The following RELN variants were observed in gnomAD, a reference collection of about 807,000 sequenced individuals.
RELN encodes the protein reelin.
In RELN, 108 loss-of-function variants were observed where a neutral mutation model predicts 427.6. The observed-to-expected ratio is 0.25, with a 90% confidence interval of 0.22 to 0.30. The LOEUF (loss-of-function observed/expected upper bound fraction) is 0.30. RELN is among the 10% of genes least tolerant of loss of function. The pLI, the probability that RELN is intolerant of heterozygous loss-of-function variation, is 1.00. For synonymous variants in RELN, 1,524 were observed against 1,513.4 expected, an observed-to-expected ratio of 1.01 and a Z score of -0.16; for missense variants, 3,715 against 4,302.8, an observed-to-expected ratio of 0.86 and a Z score of 3.82.
chr7:103,929,516 T>C (rs1795815469), intron 1 of RELN, among the ~76,000 whole-genome samples: 1 of 152,192 alleles, frequency 6.6e-6, no homozygotes, highest in Non-Finnish European at 1.5e-5. Flanking sequence ...TACATGTTCA[T>C]CAACTGATCA....
intron 2 of RELN, among the ~76,000 whole-genome samples, chr7:103,881,873 A>G (rs1163792839): frequency 6.6e-6 from 1 of 152,172 alleles, no homozygotes; most frequent in Non-Finnish European, 1.5e-5. Flanking sequence ...GATATACAAA[A>G]CACCCCCAAG....
chr7:103,498,359 ATTTCAAATGCT>A, intron 53 of RELN, 107 bp from the exon 54 acceptor site: 1 of 987,042 alleles, frequency 1.0e-6, no homozygotes, highest in Non-Finnish European at 1.6e-6. Context: ...AATAGAGCTG[ATTTCAAATGCT>A]TTTCAAAGAT....
intron 8 of RELN, among the ~76,000 whole-genome samples, chr7:103,703,242 A>T (rs1411429668): frequency 1.3e-5 from 2 of 152,130 alleles, no homozygotes; most frequent in African/African-American, 4.8e-5. Context: ...ACCCTTCCAA[A>T]CATACCAGAC....
intron 1 of RELN, among the ~76,000 whole-genome samples, chr7:103,986,148 T>C (rs1299193219): frequency 6.6e-6 from 1 of 152,206 alleles, no homozygotes; most frequent in Non-Finnish European, 1.5e-5. Context: ...AGCTTCTACA[T>C]TGTGGTATAC....
At chr7:103,842,199 T>C (rs1793567983) in intron 2 of RELN, among the ~76,000 whole-genome samples, 1 of 152,130 alleles carries the variant, frequency 6.6e-6, no homozygotes, top group African/African-American at 2.4e-5. Flanking sequence ...TTCCATTTCC[T>C]TTCCTTTTCA....
chr7:103,904,743 G>A (rs1436962932), intron 2 of RELN, among the ~76,000 whole-genome samples: 1 of 152,052 alleles, frequency 6.6e-6, no homozygotes, highest in Non-Finnish European at 1.5e-5. Context: ...ATATGAGAAA[G>A]GTGCTGAAGT....
At chr7:103,641,395 CTATAAGCACT>C (rs930891567) in intron 16 of RELN, among the ~76,000 whole-genome samples, 51 of 152,168 alleles carry the variant, frequency 3.4e-4, no homozygotes, top group African/African-American at 1.2e-3. Context: ...GCCTATGCTC[CTATAAGCACT>C]TAATACCTGC....
At chr7:103,482,819 G>A (rs779246836) in intron 63 of RELN, 54 bp downstream of exon 63, 97 of 1,613,482 alleles carry the variant, frequency 6.0e-5, no homozygotes, top group Non-Finnish European at 7.9e-5. Flanking sequence ...CTATATCAAA[G>A]GAATTTCAAA....
intron 57 of RELN, among the ~76,000 whole-genome samples, chr7:103,494,386 T>C (rs890829583): frequency 6.6e-6 from 1 of 151,580 alleles, no homozygotes; most frequent in African/African-American, 2.4e-5. Context: ...TGTGTGTGTG[T>C]GTGTGTGGGA....
chr7:103,714,508 T>C (rs1789887922), intron 8 of RELN, among the ~76,000 whole-genome samples: 1 of 152,200 alleles, frequency 6.6e-6, no homozygotes, highest in African/African-American at 2.4e-5. Flanking sequence ...ACGGTCTGCC[T>C]GGTTGGTATG....
At chr7:103,662,805 A>G (rs1165968406) in intron 11 of RELN, among the ~76,000 whole-genome samples, 2 of 152,054 alleles carry the variant, frequency 1.3e-5, no homozygotes, top group African/African-American at 4.8e-5. Context: ...ACACTCAGTG[A>G]TATTTCTAAA....
chr7:103,930,192 C>T (rs1795829736), intron 1 of RELN, among the ~76,000 whole-genome samples: 1 of 152,168 alleles, frequency 6.6e-6, no homozygotes, highest in African/African-American at 2.4e-5. Context: ...CCTCCCTCCT[C>T]AGCTAGCAGA....
intron 3 of RELN, among the ~76,000 whole-genome samples, chr7:103,783,164 C>CTTTTTTTT (rs34257358): frequency 9.1e-6 from 1 of 109,326 alleles, no homozygotes; most frequent in Non-Finnish European, 2.1e-5. Flanking sequence ...CTCTTTCTTT[C>CTTTTTTTT]TTTTTTTTTT....
At chr7:103,885,562 G>A (rs557503994) in intron 2 of RELN, among the ~76,000 whole-genome samples, 42 of 152,148 alleles carry the variant, frequency 2.8e-4, no homozygotes, top group African/African-American at 9.2e-4. Flanking sequence ...CACAAGGAAC[G>A]GAACATCACA....
At chr7:103,940,652 T>A (rs1384615534) in intron 1 of RELN, among the ~76,000 whole-genome samples, 1 of 152,214 alleles carries the variant, frequency 6.6e-6, no homozygotes, top group Admixed American at 6.5e-5. Flanking sequence ...CCTTGAGGCA[T>A]AAACCTCTCA....
intron 6 of RELN, among the ~76,000 whole-genome samples, chr7:103,736,847 C>T (rs146990368): frequency 1.5e-3 from 222 of 152,212 alleles, no homozygotes; most frequent in African/African-American, 5.1e-3. Flanking sequence ...TTGGACACCC[C>T]CTGGTTAACC....
intron 51 of RELN, chr7:103,504,627 G>C (rs1160314692): frequency 6.6e-6 from 1 of 152,430 alleles, no homozygotes; most frequent in Non-Finnish European, 1.5e-5. Context: ...GCAGAGTGTG[G>C]CAGAACCACA....
chr7:103,502,974 C>A, intron 52 of RELN, 42 bp downstream of exon 52: 1 of 1,528,618 alleles, frequency 6.5e-7, no homozygotes, highest in Non-Finnish European at 9.1e-7. Context: ...GGTGTACCTT[C>A]TGGATGCTTG....
intron 25 of RELN, among the ~76,000 whole-genome samples, chr7:103,595,657 A>T (rs1831519795): frequency 1.3e-5 from 2 of 152,144 alleles, no homozygotes; most frequent in Admixed American, 1.3e-4. Context: ...AACAGGGACA[A>T]GATCCATATA....
Sources: gnomAD v4.1 joint callset for allele counts (sites outside exome capture counted in the v4.1 genomes callset) on GRCh38, gnomAD v4.1.1 for gene constraint, MANE v1.5 for transcripts, NCBI Gene and HGNC (gene_info 2026-07-23, HGNC 2026-07-21) for gene names.